PABPC4L: variants seen among roughly 807,000 people sequenced by gnomAD.
PABPC4L encodes the protein polyadenylate-binding protein 4-like.
For synonymous variants in PABPC4L, 169 were observed against 164.1 expected, an observed-to-expected ratio of 1.03 and a Z score of -0.23; for missense variants, 452 against 451.4, an observed-to-expected ratio of 1.00 and a Z score of -0.01.
At chr4:134,060,200 C>T in the PABPC4L span, among the ~76,000 whole-genome samples, 1 of 152,020 alleles carries the variant, frequency 6.6e-6, no homozygotes, top group Non-Finnish European at 1.5e-5. Flanking sequence ...AATTTGAGTT[C>T]TGGTAAGCCT....
At chr4:134,142,276 C>A in the PABPC4L span, among the ~76,000 whole-genome samples, 1 of 151,432 alleles carries the variant, frequency 6.6e-6, no homozygotes, top group African/African-American at 2.4e-5. Flanking sequence ...CAAAACAGAC[C>A]TTTGGTTAGT....
chr4:134,090,231 G>GT, the PABPC4L span, among the ~76,000 whole-genome samples: 15 of 152,032 alleles, frequency 9.9e-5, no homozygotes, highest in Admixed American at 2.6e-4. Context: ...ATTATTTAAT[G>GT]TTTTTTCTGT....
chr4:134,126,379 C>T, the PABPC4L span, among the ~76,000 whole-genome samples: 2 of 152,094 alleles, frequency 1.3e-5, no homozygotes, highest in Non-Finnish European at 2.9e-5. Context: ...CCTCACTTAT[C>T]AGAGTCCTTT....
chr4:134,088,140 C>G, the PABPC4L span, among the ~76,000 whole-genome samples: 1 of 152,046 alleles, frequency 6.6e-6, no homozygotes, highest in African/African-American at 2.4e-5. Context: ...TTGTTATATC[C>G]TCCTCATCTC....
chr4:134,018,367 A>G, the PABPC4L span, among the ~76,000 whole-genome samples: 7,487 of 152,210 alleles, frequency 0.049, 218 homozygotes, highest in Middle Eastern at 0.13. Flanking sequence ...GTCTCTTCAC[A>G]CTGATGCGCA....
the PABPC4L span, among the ~76,000 whole-genome samples, chr4:134,131,795 A>G: frequency 6.8e-6 from 1 of 146,678 alleles, no homozygotes; most frequent in African/African-American, 2.5e-5. Context: ...TGGAGGCATT[A>G]TATTACTCAA....
At chr4:134,094,322 A>G in the PABPC4L span, among the ~76,000 whole-genome samples, 1 of 151,956 alleles carries the variant, frequency 6.6e-6, no homozygotes, top group South Asian at 2.1e-4. Flanking sequence ...AGGATTTGTT[A>G]TTATAAAACA....
chr4:134,016,171 C>T, the PABPC4L span, among the ~76,000 whole-genome samples: 69 of 152,260 alleles, frequency 4.5e-4, 1 homozygote, highest in Admixed American at 4.2e-3. Context: ...ATAGTATCTT[C>T]CGCATCTGTC....
the PABPC4L span, among the ~76,000 whole-genome samples, chr4:134,022,871 A>C: frequency 6.6e-6 from 1 of 151,972 alleles, no homozygotes; most frequent in South Asian, 2.1e-4. Flanking sequence ...TTATTTTTTA[A>C]TATTTTAGTC....
chr4:134,019,448 T>G, the PABPC4L span, among the ~76,000 whole-genome samples: 4 of 152,168 alleles, frequency 2.6e-5, no homozygotes, highest in Admixed American at 6.6e-5. Flanking sequence ...GAAACTGATT[T>G]CCATCAAATA....
the PABPC4L span, among the ~76,000 whole-genome samples, chr4:134,062,306 G>A: frequency 8.6e-5 from 13 of 151,798 alleles, no homozygotes; most frequent in South Asian, 2.7e-3. Context: ...GAGACTCGCA[G>A]GTCAGTATAT....
At chr4:133,974,227 C>T in the PABPC4L span, among the ~76,000 whole-genome samples, 1 of 152,086 alleles carries the variant, frequency 6.6e-6, no homozygotes, top group Non-Finnish European at 1.5e-5. Flanking sequence ...CACTGATTTT[C>T]AACAACGGTA....
chr4:133,955,727 T>G, the PABPC4L span, among the ~76,000 whole-genome samples: 1 of 152,230 alleles, frequency 6.6e-6, no homozygotes, highest in African/African-American at 2.4e-5. Flanking sequence ...TGCCAGTTTC[T>G]GGAATGCATA....
the PABPC4L span, among the ~76,000 whole-genome samples, chr4:134,175,166 A>G: frequency 6.6e-6 from 1 of 152,162 alleles, no homozygotes; most frequent in African/African-American, 2.4e-5. Flanking sequence ...TTTTAAGGAC[A>G]AAATATAAGT....
chr4:134,200,175 A>G lies in PABPC4L; in HGVS notation c.845T>C (p.Leu282Pro), dbSNP rs1179671419. 1 of 1,551,460 alleles carries G rather than the reference A, an allele frequency of 6.4e-7. No individual in the cohort carries two copies. The highest frequency in any genetic ancestry group is 8.7e-7 in the Non-Finnish European group (1 of 1,146,970). ...QAELKQMFEQ[L>P]KRERIRGCQG... The stretch of plus-strand genomic sequence containing the variant: ...GCACCCACGAATTCGTTCCCTTTTC[A>G]GCTGCTCAAACATTTGCTTTAACTC... Residue 282 changes from leucine to proline, a missense_variant, in exon 2 of 2, where the codon CTG becomes CCG. Coordinates refer to ENST00000421491, the MANE Select transcript of PABPC4L (RefSeq NM_001114734.2).
At chr4:134,088,081 A>G in the PABPC4L span, among the ~76,000 whole-genome samples, 3 of 151,920 alleles carry the variant, frequency 2.0e-5, no homozygotes, top group Non-Finnish European at 4.4e-5. Context: ...TTTCTCTGAC[A>G]GATTTCTGTT....
the PABPC4L span, among the ~76,000 whole-genome samples, chr4:134,181,286 C>T: frequency 6.6e-6 from 1 of 151,826 alleles, no homozygotes; most frequent in African/African-American, 2.4e-5. Context: ...ACCATCTCAA[C>T]AGATGTAGAA....
chr4:134,072,363 G>A, the PABPC4L span, among the ~76,000 whole-genome samples: 1 of 152,128 alleles, frequency 6.6e-6, no homozygotes, highest in African/African-American at 2.4e-5. Flanking sequence ...TTAGTCCTGT[G>A]CAAGCTGTTA....
At chr4:134,099,003 T>A in the PABPC4L span, among the ~76,000 whole-genome samples, 1 of 151,334 alleles carries the variant, frequency 6.6e-6, no homozygotes, top group South Asian at 2.1e-4. Flanking sequence ...TCAAGTGGAG[T>A]TTAGAAAGAA....
Sources: allele counts gnomAD v4.1 joint callset (sites outside exome capture counted in the v4.1 genomes callset), GRCh38; gene constraint gnomAD v4.1.1; transcripts MANE v1.5; gene names NCBI Gene and HGNC (gene_info 2026-07-23, HGNC 2026-07-21).